Variants in SBK1 observed in about 807,000 individuals in gnomAD.
SBK1 encodes the protein serine/threonine-protein kinase SBK1.
Under a neutral mutation model 24.4 loss-of-function variants are expected in SBK1, and 11 were observed. The observed-to-expected ratio is 0.45, with a 90% CI of 0.28 to 0.75. SBK1 has a LOEUF of 0.75. Ranked by LOEUF, SBK1 falls within the 30% of genes least tolerant of loss-of-function variation. SBK1 has a pLI of 0.12. For missense variants in SBK1, 467 were observed against 620.5 expected (o/e 0.75, Z 2.63); for synonymous variants, 308 against 284.4 (o/e 1.08, Z -0.83).
intron 1 of SBK1, among the ~76,000 whole-genome samples, chr16:28,280,314 A>G (rs1323715139): frequency 7.2e-6 from 1 of 137,960 alleles, no homozygotes; most frequent in East Asian, 2.1e-4. Flanking sequence ...TATGTATATA[A>G]TATATATATA....
intron 1 of SBK1, among the ~76,000 whole-genome samples, chr16:28,312,830 TC>T (rs1347916393): frequency 2.6e-5 from 4 of 151,888 alleles, no homozygotes; most frequent in Non-Finnish European, 5.9e-5. Context: ...TGAGACCCCA[TC>T]TCTACAAAAA....
At position 28,320,643 on chromosome 16, in the gene SBK1, C is replaced by T. The variant is rs2141593138; in HGVS notation, c.997C>T (p.Pro333Ser). 8.6e-7 allele frequency: 1 copy of T among 1,169,064 alleles called. No homozygotes were observed. Among genetic ancestry groups the T allele is most frequent in the African/African-American group, 1.6e-5 (1 of 61,172 alleles). The allele number at this position is 1,169,064 out of a possible 1,614,324, so 72.4% of individuals were successfully genotyped here. ...GCCCTCGCACCGCGCGCGCAAGCCC[C>T]CCGGGGACCGCCCGCCCGCCGCCGG... ...RRPSHRARKP[P>S]GDRPPAAGPL... Residue 333 changes from proline (P) to serine (S), a missense_variant, in exon 4 of 4, where the codon CCC (proline) becomes TCC (serine). Physicochemically the swap from Pro to Ser is moderately conservative, Grantham distance 74. This residue lies in a region of SBK1 where 166 missense variants were observed against 146.8 expected (regional missense o/e 1.13). Transcript: ENST00000341901. The surrounding 1 kb of genome is among the most constrained non-coding windows in gnomAD (Gnocchi z 8.5).
chr16:28,284,007 G>C (rs1452920819), intron 1 of SBK1, among the ~76,000 whole-genome samples: 1 of 152,198 alleles, frequency 6.6e-6, no homozygotes, highest in Non-Finnish European at 1.5e-5. Context: ...CTTTGCCTTT[G>C]GATGCAGTAA....
At chr16:28,288,537 G>C (rs2044580253), upstream of SBK1, among the ~76,000 whole-genome samples, 1 of 152,232 alleles carries the variant, frequency 6.6e-6, no homozygotes, top group Admixed American at 6.5e-5. Flanking sequence ...ACCAGCGCTT[G>C]TTCTTTCTTT....
At chr16:28,310,842 C>T (rs1041696385) in intron 1 of SBK1, among the ~76,000 whole-genome samples, 21 of 152,048 alleles carry the variant, frequency 1.4e-4, no homozygotes, top group Non-Finnish European at 2.4e-4. Flanking sequence ...AAGCAGAGGC[C>T]CAGAGCAGTG....
At position 28,320,657 on chromosome 16, in the gene SBK1, G is replaced by A. The variant is rs2141593159; in HGVS notation, c.1011G>A (p.Pro337=). ...CGCGCAAGCCCCCCGGGGACCGCCC[G>A]CCCGCCGCCGGGCCACTGCGCCTCG... ...HRARKPPGDR[P]PAAGPLRLEA... is the part of the protein sequence containing the mutation. The change falls in exon 4 of 4, where the codon CCG becomes CCA. Residue 337 remains proline (P), a synonymous_variant. Coordinates refer to ENST00000341901, the MANE Select transcript of SBK1 (RefSeq NM_001024401.3). The surrounding 1 kb of genome is among the most constrained non-coding windows in gnomAD (Gnocchi z 8.5). The A allele has an allele frequency of 1.8e-6, 2 of 1,100,930 alleles. No individual in the cohort carries two copies. The highest frequency in any genetic ancestry group is 1.7e-5 in the African/African-American group (1 of 59,036). The allele number at this position is 1,100,930 out of a possible 1,614,324, so 68.2% of individuals were successfully genotyped here. A position where few individuals can be genotyped will look rare whatever the true frequency, so the allele number is the denominator to read the frequency against.
In SBK1 at chr16:28,259,817, G is replaced by A. The variant is rs1378798169; in HGVS notation, c.257+315G>A. Among the ~76,000 whole-genome samples the A allele has an allele frequency of 2.0e-5, 3 of 152,052 alleles. No homozygotes were observed. Among genetic ancestry groups the A allele is most frequent in the Non-Finnish European group, 4.4e-5 (3 of 68,008 alleles). On this transcript the variant is annotated intron_variant, in intron 1 of 3. Transcript: ENST00000671413. This position sits in a 1 kb window ranked among gnomAD's most constrained non-coding sequence, Gnocchi z 6.0. ...GTTAACACTCGGCTGAGCATTCAAG[G>A]CCTGCGTGATTGGGGCCGACACTCC...
intron 1 of SBK1, among the ~76,000 whole-genome samples, chr16:28,311,830 G>A (rs972871998): frequency 1.3e-5 from 2 of 152,232 alleles, no homozygotes; most frequent in African/African-American, 4.8e-5. Context: ...TGAGCCCACT[G>A]GACTGTGTCC....
intron 1 of SBK1, among the ~76,000 whole-genome samples, chr16:28,282,626 G>GTGAGTGAATGAATGAATGAA (rs1555536639): frequency 2.7e-5 from 4 of 150,020 alleles, no homozygotes; most frequent in Non-Finnish European, 4.4e-5. Context: ...GGGAACAAGT[G>GTGAGTGAATGAATGAATGAA]TGAATGAATG....
At position 28,270,992 on chromosome 16, in the gene SBK1, T is replaced by C. The variant is rs1309587600; in HGVS notation, c.257+11490T>C. ...CATTCTCCTGCCTCAGCCTCCCGAG[T>C]AGCTGGGACTACAGGCGCCCGCCAC... On this transcript the variant is annotated intron_variant, in intron 1 of 3. Transcript: ENST00000671413. Among the ~76,000 whole-genome samples, 3 of 151,728 alleles carry C rather than the reference T, an allele frequency of 2.0e-5. No individual in the cohort carries two copies. The East Asian group carries it at 5.9e-4, about 30-fold the overall frequency.
intron 1 of SBK1, among the ~76,000 whole-genome samples, chr16:28,316,874 G>T (rs2044800179): frequency 6.6e-6 from 1 of 152,030 alleles, no homozygotes; most frequent in Admixed American, 6.6e-5. Flanking sequence ...GCAAGACCCT[G>T]TCTCAGAAAT....
Position 28,292,527 on chromosome 16 carries a change from T to G in SBK1, c.-781T>G, listed in dbSNP as rs1472861577. 1 of 974,982 alleles carries G rather than the reference T, an allele frequency of 1.0e-6. No individual in the cohort carries two copies. Among genetic ancestry groups the G allele is most frequent in the Non-Finnish European group, 1.2e-6 (1 of 826,220 alleles). 60.4% of individuals were successfully genotyped at this position (974,982 alleles called of 1,614,324 possible). A position where few individuals can be genotyped will look rare whatever the true frequency, so the allele number is the denominator to read the frequency against. ...CGCTGGCTGGAGGGCGGAGCCGCGA[T>G]GCCGCGATGGAGCGCAGCCCGGGCG... On this transcript the variant is annotated 5_prime_UTR_variant, in exon 1 of 4. It removes an upstream start codon present in the reference 5' UTR. Transcript: ENST00000341901.
intron 1 of SBK1, among the ~76,000 whole-genome samples, chr16:28,262,360 G>C (rs2044403027): frequency 6.6e-6 from 1 of 152,208 alleles, no homozygotes; most frequent in African/African-American, 2.4e-5. Context: ...GCTTCTGTGT[G>C]ATCCTGGGGA....
intron 1 of SBK1, among the ~76,000 whole-genome samples, chr16:28,308,771 G>GTGTGTGTGTGTGTGTGTT (rs762331424): frequency 1.3e-5 from 2 of 149,728 alleles, no homozygotes; most frequent in Non-Finnish European, 3.0e-5. Flanking sequence ...GTGTGTGTGT[G>GTGTGTGTGTGTGTGTGTT]TGTGTGTGTT....
At position 28,322,923 on chromosome 16, in the gene SBK1, TCTCTCTCCCTCTCTCTCTCTCTCTCTC is replaced by T; in HGVS notation, c.*2003_*2029del. On this transcript the variant is annotated 3_prime_UTR_variant, in exon 4 of 4. Transcript: ENST00000341901. The stretch of plus-strand genomic sequence containing the variant: ...CTCGCTCTCTCTCTCGCGCGCGCTC[TCTCTCTCCCTCTCTCTCTCTCTCTCTC>T]TCTCTCTCTCTCTCTCTCTCTCTCT... 1 of 19,448 alleles carries T rather than the reference TCTCTCTCCCTCTCTCTCTCTCTCTCTC, an allele frequency of 5.1e-5. No individual in the cohort carries two copies. Among genetic ancestry groups the T allele is most frequent in the African/African-American group, 2.0e-4 (1 of 5,128 alleles). The allele number at this position is 19,448 out of a possible 1,614,324, so 1.2% of individuals were successfully genotyped here.
intron 1 of SBK1, among the ~76,000 whole-genome samples, chr16:28,283,005 T>C (rs187341431): frequency 4.9e-4 from 75 of 152,244 alleles, no homozygotes; most frequent in African/African-American, 1.8e-3. Context: ...TGATCTCGGC[T>C]CACTGCAAAC....
At chr16:28,310,494 C>T (rs991288102) in intron 1 of SBK1, among the ~76,000 whole-genome samples, 3 of 152,168 alleles carry the variant, frequency 2.0e-5, no homozygotes, top group African/African-American at 7.2e-5. Context: ...GTGAAAGGTA[C>T]CAGCTTTGGA....
At chr16:28,279,207 CA>C (rs34028427) in intron 1 of SBK1, among the ~76,000 whole-genome samples, 7,204 of 115,142 alleles carry the variant, frequency 0.063, 549 homozygotes, top group African/African-American at 0.22. Flanking sequence ...GAGACTCTGT[CA>C]AAAAAAAAAA....
intron 1 of SBK1, among the ~76,000 whole-genome samples, chr16:28,303,507 C>CTTTTTTTTTTTTTTTTTTTTTTTT (rs143613970): frequency 1.7e-5 from 1 of 58,114 alleles, no homozygotes; most frequent in Non-Finnish European, 3.0e-5. Flanking sequence ...CTTTTCTTTT[C>CTTTTTTTTTTTTTTTTTTTTTTTT]TTTTTTTTTT....
Sources: allele counts gnomAD v4.1 joint callset (sites outside exome capture counted in the v4.1 genomes callset), GRCh38; gene constraint gnomAD v4.1.1; regional missense constraint gnomAD v4.1.1; non-coding constraint Gnocchi (gnomAD v3.1); transcripts MANE v1.5; gene names NCBI Gene and HGNC (gene_info 2026-07-23, HGNC 2026-07-21).